Variants in FILIP1L observed in about 807,000 individuals in gnomAD.
FILIP1L encodes filamin A interacting protein 1 like, also known as filamin A-interacting protein 1-like.
A neutral mutation model predicts 96.6 loss-of-function variants in FILIP1L; 55 were observed. That is an observed-to-expected ratio of 0.57 (90% CI 0.46 to 0.71). FILIP1L has a LOEUF of 0.71. Among genes scored for constraint, FILIP1L ranks in the 30% least tolerant of loss-of-function variants. The pLI is 0.00. For missense variants in FILIP1L, 1,304 were observed against 1,321.2 expected (o/e 0.99, Z 0.20); for synonymous variants, 467 against 473.9 (o/e 0.99, Z 0.19).
chr3:100,004,894 T>C (rs546707980), intron 1 of FILIP1L, among the ~76,000 whole-genome samples: 1 of 152,314 alleles, frequency 6.6e-6, no homozygotes, highest in South Asian at 2.1e-4. Flanking sequence ...TTGGTGTCTG[T>C]TGGCAAGCAG....
intron 1 of FILIP1L, among the ~76,000 whole-genome samples, chr3:100,109,691 T>C (rs2066455713): frequency 6.6e-6 from 1 of 152,218 alleles, no homozygotes; most frequent in South Asian, 2.1e-4. Context: ...AGTATTGATA[T>C]ACTATAGTTT....
intron 1 of FILIP1L, among the ~76,000 whole-genome samples, chr3:100,070,734 C>A (rs1422373520): frequency 6.6e-6 from 1 of 152,168 alleles, no homozygotes; most frequent in Non-Finnish European, 1.5e-5. Context: ...CGGGTTCAAG[C>A]AGTTCTCCTG....
At chr3:100,064,193 C>T (rs908866013) in intron 1 of FILIP1L, among the ~76,000 whole-genome samples, 1 of 152,080 alleles carries the variant, frequency 6.6e-6, no homozygotes, top group Non-Finnish European at 1.5e-5. Context: ...GGTTGTCTTC[C>T]GGGAATGTAT....
intron 4 of FILIP1L, among the ~76,000 whole-genome samples, chr3:99,866,424 C>T (rs1221930557): frequency 6.6e-6 from 1 of 152,120 alleles, no homozygotes; most frequent in African/African-American, 2.4e-5. Context: ...ACCACAACAA[C>T]AGATGCCTAT....
intron 1 of FILIP1L, among the ~76,000 whole-genome samples, chr3:100,051,702 T>A (rs2065376385): frequency 6.6e-6 from 1 of 151,978 alleles, no homozygotes; most frequent in Non-Finnish European, 1.5e-5. Flanking sequence ...TTTTTATGGC[T>A]GCATAGTATT....
In FILIP1L at chr3:99,839,350, A is replaced by T. The variant is rs1943032515; in HGVS notation, c.3382-8745T>A. On this transcript the variant is annotated intron_variant, in intron 5 of 5. Coordinates refer to ENST00000477258, the MANE Select transcript of FILIP1L (RefSeq NM_001387850.1). Reference sequence around the variant, plus strand: ...ATGAGCAATATTGCATGCTTCATAAATATTTGTTGGTTCATTCTTGTAGGT... The same window carrying T: ...ATGAGCAATATTGCATGCTTCATAATTATTTGTTGGTTCATTCTTGTAGGT... Among the ~76,000 whole-genome samples, 3 of 152,190 alleles carry T rather than the reference A, an allele frequency of 2.0e-5. No homozygotes were observed. The South Asian group carries it at 6.2e-4, about 32-fold the overall frequency.
rs554612982 is a variant in FILIP1L, at chr3:99,997,137, A to G, written c.-10-66107T>C. Among the ~76,000 whole-genome samples, 72 of 152,344 alleles carry G rather than the reference A, an allele frequency of 4.7e-4. 2 individuals carry two copies. In the South Asian group the frequency reaches 0.013, roughly 28 times the overall value. On this transcript the variant is annotated intron_variant, in intron 1 of 5. Transcript: ENST00000477258. Reference sequence around the variant, plus strand: ...AGATCAGAGCAGAACTAAATGGAGTAGAAACAAGAAAAACCATACAAAGGA... The same window carrying G: ...AGATCAGAGCAGAACTAAATGGAGTGGAAACAAGAAAAACCATACAAAGGA...
chr3:99,937,201 G>A (rs771543632), intron 1 of FILIP1L, among the ~76,000 whole-genome samples: 53 of 152,032 alleles, frequency 3.5e-4, no homozygotes, highest in Non-Finnish European at 6.8e-4. Flanking sequence ...GCCTCCCAAA[G>A]TGCTGGGATT....
intron 5 of FILIP1L, among the ~76,000 whole-genome samples, chr3:99,839,244 T>A (rs1177208975): frequency 6.6e-6 from 1 of 152,238 alleles, no homozygotes; most frequent in African/African-American, 2.4e-5. Context: ...TGTGTTGAGC[T>A]CTTAGTTACC....
intron 1 of FILIP1L, among the ~76,000 whole-genome samples, chr3:100,092,945 G>T (rs1337535263): frequency 1.3e-5 from 2 of 151,612 alleles, no homozygotes; most frequent in Non-Finnish European, 2.9e-5. Context: ...CATTCTCCTG[G>T]ATACACATAA....
intron 1 of FILIP1L, among the ~76,000 whole-genome samples, chr3:100,097,001 A>T (rs2066221198): frequency 6.6e-6 from 1 of 152,170 alleles, no homozygotes; most frequent in East Asian, 1.9e-4. Flanking sequence ...TGGGCCACAG[A>T]TCATACCACT....
intron 5 of FILIP1L, 71 bp from the exon 6 acceptor site, chr3:99,830,676 A>G (rs1402688252): frequency 2.3e-6 from 1 of 436,588 alleles, no homozygotes. Flanking sequence ...TGTTTAGGAC[A>G]TGGAGTCAGT....
At chr3:99,940,662 A>G (rs1396120342) in intron 1 of FILIP1L, among the ~76,000 whole-genome samples, 1 of 152,190 alleles carries the variant, frequency 6.6e-6, no homozygotes, top group Non-Finnish European at 1.5e-5. Context: ...GTGAATCCTA[A>G]AAGATAAAAA....
chr3:99,994,131 T>C (rs1378390585), intron 1 of FILIP1L, among the ~76,000 whole-genome samples: 1 of 152,210 alleles, frequency 6.6e-6, no homozygotes, highest in East Asian at 1.9e-4. Flanking sequence ...GGAGATTTTT[T>C]ATTACTGATT....
chr3:99,846,342 A>G lies in FILIP1L; in HGVS notation c.3381+1953T>C, dbSNP rs567934783. ...TCTGATTTCCATTGTTCATAATTTT[A>G]TGATCAGTTGATCGATGCCTTCCAA... On this transcript the variant is annotated intron_variant, in intron 5 of 5. Coordinates refer to ENST00000477258, the MANE Select transcript of FILIP1L (RefSeq NM_001387850.1). 1.6e-4 allele frequency among the ~76,000 whole-genome samples: 24 copies of G among 152,364 alleles called. No homozygotes were observed. In the Middle Eastern group the frequency reaches 0.01, roughly 65 times the overall value.
chr3:99,964,107 T>A (rs1473290622), intron 1 of FILIP1L, among the ~76,000 whole-genome samples: 1 of 152,142 alleles, frequency 6.6e-6, no homozygotes, highest in Admixed American at 6.5e-5. Flanking sequence ...AGACTCGTTC[T>A]GTGGTGCAGA....
intron 4 of FILIP1L, among the ~76,000 whole-genome samples, chr3:99,853,707 T>C (rs1012921843): frequency 2.0e-5 from 3 of 152,362 alleles, no homozygotes. Context: ...AAGTTCTGTC[T>C]GATTATTTGA....
At chr3:99,873,624 T>C (rs1181462661) in intron 4 of FILIP1L, among the ~76,000 whole-genome samples, 1 of 152,212 alleles carries the variant, frequency 6.6e-6, no homozygotes, top group African/African-American at 2.4e-5. Flanking sequence ...TTTTCAGTTT[T>C]TTTTCTTAAA....
intron 1 of FILIP1L, among the ~76,000 whole-genome samples, chr3:99,944,660 G>T (rs1329426719): frequency 2.0e-5 from 3 of 152,216 alleles, no homozygotes; most frequent in Non-Finnish European, 4.4e-5. Flanking sequence ...GGCAGAACAG[G>T]AATTCAAACT....
Sources: allele counts gnomAD v4.1 joint callset (sites outside exome capture counted in the v4.1 genomes callset), GRCh38; gene constraint gnomAD v4.1.1; transcripts MANE v1.5; gene names NCBI Gene and HGNC (gene_info 2026-07-23, HGNC 2026-07-21).